FSTL1: variants seen among roughly 807,000 people sequenced by gnomAD.
FSTL1 encodes follistatin like 1.
Under a neutral mutation model 45.9 loss-of-function variants are expected in FSTL1, and 24 were observed. The observed-to-expected ratio is 0.52, with a 90% CI of 0.38 to 0.74. FSTL1 has a LOEUF of 0.74. Ranked by LOEUF, FSTL1 falls within the 30% of genes least tolerant of loss-of-function variation. The pLI, the probability that FSTL1 is intolerant of heterozygous loss-of-function variation, is 0.00. For synonymous variants in FSTL1, 120 were observed against 137.6 expected (o/e 0.87, Z 0.89); for missense variants, 340 against 381.8 (o/e 0.89, Z 0.91).
intron 2 of FSTL1, among the ~76,000 whole-genome samples, chr3:120,440,420 G>C (rs1937616343): frequency 6.6e-6 from 1 of 152,202 alleles, no homozygotes; most frequent in African/African-American, 2.4e-5. Context: ...ACTTCCACAA[G>C]ACACAGTGAC....
intron 3 of FSTL1, among the ~76,000 whole-genome samples, chr3:120,414,244 C>G (rs971968816): frequency 1.3e-5 from 2 of 152,088 alleles, no homozygotes; most frequent in African/African-American, 4.8e-5. Context: ...GGCCGCCTAT[C>G]GTCTGGGATG....
Position 120,395,115 on chromosome 3 carries a change from G to A in FSTL1, c.*1837C>T, listed in dbSNP as rs8865. On this transcript the variant is annotated 3_prime_UTR_variant, in exon 11 of 11. Transcript: ENST00000295633. ...GGATGGATACATAAAAGCTTGAAAT[G>A]CTAAACAAAGTGGAATTTTCTCCTT... is the stretch of plus-strand genomic sequence containing the variant. 2.6e-5 allele frequency: 4 copies of A among 154,408 alleles called. No individual in the cohort carries two copies. The highest frequency in any genetic ancestry group is 5.7e-5 in the Non-Finnish European group (4 of 69,818). 9.6% of individuals were successfully genotyped at this position (154,408 alleles called of 1,614,324 possible).
At chr3:120,406,313 C>T (rs1936947283) in intron 6 of FSTL1, among the ~76,000 whole-genome samples, 1 of 152,146 alleles carries the variant, frequency 6.6e-6, no homozygotes, top group East Asian at 1.9e-4. Context: ...TTGTTAGTAG[C>T]ACAGGGCTTT....
At chr3:120,443,392 T>C (rs1364823072) in intron 2 of FSTL1, among the ~76,000 whole-genome samples, 2 of 149,900 alleles carry the variant, frequency 1.3e-5, no homozygotes, top group Non-Finnish European at 2.9e-5. Flanking sequence ...TCCCACACTC[T>C]TCCTAATAGT....
At chr3:120,401,398 G>A (rs575393869) in intron 9 of FSTL1, among the ~76,000 whole-genome samples, 2 of 152,248 alleles carry the variant, frequency 1.3e-5, no homozygotes, top group Admixed American at 6.5e-5. Context: ...GGCAGCGGTA[G>A]ACCAGTGATA....
intron 6 of FSTL1, among the ~76,000 whole-genome samples, chr3:120,405,687 C>T (rs1936933393): frequency 6.6e-6 from 1 of 152,212 alleles, no homozygotes; most frequent in Non-Finnish European, 1.5e-5. Flanking sequence ...GCCCTCATGA[C>T]CCAGCTGGCA....
intron 2 of FSTL1, among the ~76,000 whole-genome samples, chr3:120,433,494 C>A (rs930092327): frequency 3.9e-5 from 6 of 152,100 alleles, no homozygotes; most frequent in East Asian, 3.8e-4. Context: ...TGGATTAATT[C>A]AAAAAATATT....
rs1008722533 is a variant in FSTL1, at chr3:120,395,905, C to T, written c.*1047G>A. The stretch of plus-strand genomic sequence containing the variant: ...CTAAGCCCTGCTTGGCTGCCCTTGT[C>T]GCCATCCTTGGGAATACTGATTTGC... On this transcript the variant is annotated 3_prime_UTR_variant, in exon 11 of 11. Coordinates refer to ENST00000295633, the MANE Select transcript of FSTL1 (RefSeq NM_007085.5). 6.1e-6 allele frequency: 2 copies of T among 329,044 alleles called. No individual in the cohort carries two copies. The highest frequency in any genetic ancestry group is 1.2e-5 in the Non-Finnish European group (2 of 169,030). The allele number at this position is 329,044 out of a possible 1,614,324, so 20.4% of individuals were successfully genotyped here. A position where few individuals can be genotyped will look rare whatever the true frequency, so the allele number is the denominator to read the frequency against.
At chr3:120,408,034 G>T (rs1444279048) in intron 6 of FSTL1, among the ~76,000 whole-genome samples, 1 of 152,218 alleles carries the variant, frequency 6.6e-6, no homozygotes, top group Non-Finnish European at 1.5e-5. Context: ...TGGTTACAAC[G>T]TCCTAAGTGG....
At chr3:120,413,800 C>CCACGGT (rs1937119351) in intron 3 of FSTL1, among the ~76,000 whole-genome samples, 2 of 348 alleles carry the variant, frequency 5.7e-3, no homozygotes, top group Admixed American at 0.11. Context: ...TCCCCCTCCC[C>CCACGGT]CTCCCTCTCC....
At chr3:120,409,718 T>C (rs1937015072) in intron 5 of FSTL1, 56 bp from the exon 6 acceptor site, 3 of 1,580,574 alleles carry the variant, frequency 1.9e-6, no homozygotes, top group Admixed American at 1.7e-5. Flanking sequence ...CCCAGTGATA[T>C]CTGGCACCCA....
At position 120,403,450 on chromosome 3, in the gene FSTL1, A is replaced by G. The variant is rs1031414542; in HGVS notation, c.582-96T>C. 3 of 705,884 alleles carry G rather than the reference A, an allele frequency of 4.2e-6. No homozygotes were observed. In the African/African-American group the frequency reaches 5.3e-5, roughly 13 times the overall value. The allele number at this position is 705,884 out of a possible 1,614,324, so 43.7% of individuals were successfully genotyped here. On this transcript the variant is annotated intron_variant, in intron 7 of 10. Transcript: ENST00000295633. ...AGGACCACATACACCCAGGGCCTCC[A>G]CAGGAGGCCAAGAAGATGACTGCTA...
chr3:120,412,819 T>C (rs13077085), intron 3 of FSTL1, among the ~76,000 whole-genome samples: 20,797 of 67,112 alleles, frequency 0.31, 1,896 homozygotes, highest in East Asian at 0.56. Flanking sequence ...CACACACATG[T>C]GCGCGCGCGC....
At chr3:120,408,549 T>A (rs984151646) in intron 6 of FSTL1, among the ~76,000 whole-genome samples, 4 of 152,196 alleles carry the variant, frequency 2.6e-5, no homozygotes, top group African/African-American at 4.8e-5. Flanking sequence ...AGAAAAGTCC[T>A]TCATGTGTCT....
chr3:120,411,797 C>T (rs1273393515), intron 4 of FSTL1, 57 bp downstream of exon 4: 1 of 1,529,618 alleles, frequency 6.5e-7, no homozygotes, highest in African/African-American at 1.4e-5. Flanking sequence ...CCACACTGCT[C>T]TGTTCCTTGG....
At chr3:120,411,303 T>C (rs1937045091) in intron 4 of FSTL1, 3 of 251,280 alleles carry the variant, frequency 1.2e-5, no homozygotes, top group South Asian at 5.8e-5. Flanking sequence ...GTGGAGACAA[T>C]CACCTGGGAA....
intron 9 of FSTL1, 173 bp from the exon 10 acceptor site, chr3:120,400,132 C>G (rs1936792454): frequency 3.3e-6 from 2 of 614,944 alleles, no homozygotes; most frequent in South Asian, 3.9e-5. Flanking sequence ...GTAATTGATA[C>G]CTCCAAGGTA....
Position 120,424,841 on chromosome 3 carries a change from G to A in FSTL1, c.64-8814C>T, listed in dbSNP as rs535807820. Among the ~76,000 whole-genome samples the A allele has an allele frequency of 2.6e-5, 4 of 152,246 alleles. No individual in the cohort carries two copies. In the South Asian group the frequency reaches 8.3e-4, roughly 32 times the overall value. ...TGGGAAAGGTGTCCCGTGAGGGTGGGGTGGGCAATGATGAGTCAGTTATGG... is the reference window on the plus strand; with the variant it reads ...TGGGAAAGGTGTCCCGTGAGGGTGGAGTGGGCAATGATGAGTCAGTTATGG... On this transcript the variant is annotated intron_variant, in intron 2 of 10. Transcript: ENST00000295633.
At chr3:120,448,751 T>A (rs1453269531) in intron 2 of FSTL1, among the ~76,000 whole-genome samples, 3 of 152,148 alleles carry the variant, frequency 2.0e-5, no homozygotes, top group African/African-American at 4.8e-5. Context: ...CAGCAGGAAA[T>A]TGCTGCTGGG....
Sources: gnomAD v4.1 joint callset for allele counts (sites outside exome capture counted in the v4.1 genomes callset) on GRCh38, gnomAD v4.1.1 for gene constraint, MANE v1.5 for transcripts, NCBI Gene and HGNC (gene_info 2026-07-23, HGNC 2026-07-21) for gene names.